HS3ST4: variants seen among roughly 807,000 people sequenced by gnomAD.
The protein encoded by HS3ST4 is heparan sulfate-glucosamine 3-sulfotransferase 4.
Under a neutral mutation model 29.2 loss-of-function variants are expected in HS3ST4, and 17 were observed. That is an observed-to-expected ratio of 0.58 (90% CI 0.40 to 0.87). HS3ST4 has a LOEUF of 0.87. Ranked by LOEUF, HS3ST4 falls within the 40% of genes least tolerant of loss-of-function variation. The probability of loss-of-function intolerance (pLI) is 0.00; values close to 1 mark genes in which losing one functional copy is unlikely to be tolerated. For missense variants in HS3ST4, 627 were observed against 634.5 expected (o/e 0.99, Z 0.13); for synonymous variants, 314 against 285.7 (o/e 1.10, Z -1.00).
chr16:26,014,006 C>CAAAAT (rs1344050616), intron 1 of HS3ST4, among the ~76,000 whole-genome samples: 2 of 47,336 alleles, frequency 4.2e-5, no homozygotes, highest in Non-Finnish European at 8.2e-5. Context: ...AACTCTGTCT[C>CAAAAT]AAAATAAATA....
rs186727835 is a variant in HS3ST4 at position 25,759,896 on chromosome 16, A to G, written c.734+66745A>G. Among the ~76,000 whole-genome samples, 374 of 152,290 alleles carry G rather than the reference A, an allele frequency of 2.5e-3. 2 individuals are homozygous for G. The highest frequency in any genetic ancestry group is 8.6e-3 in the African/African-American group (359 of 41,568). On this transcript the variant is annotated intron_variant, in intron 1 of 1. Transcript: ENST00000331351. ...CAAAGCAAGACCCTGTCTTAAAAAT[A>G]ATAAAGAGAAAAAAAAAGGAAATAG...
intron 1 of HS3ST4, among the ~76,000 whole-genome samples, chr16:26,012,256 CAA>C (rs1345069252): frequency 1.3e-5 from 2 of 152,028 alleles, no homozygotes; most frequent in Non-Finnish European, 2.9e-5. Context: ...AGCTTCCTGT[CAA>C]AGTGTATCAG....
At chr16:26,002,299 G>A (rs185287312) in intron 1 of HS3ST4, among the ~76,000 whole-genome samples, 8 of 152,218 alleles carry the variant, frequency 5.3e-5, no homozygotes, top group African/African-American at 1.7e-4. Flanking sequence ...ATGTAAGGGC[G>A]TACAAAGAGA....
At chr16:25,859,195 G>C (rs1226422630) in intron 1 of HS3ST4, among the ~76,000 whole-genome samples, 1 of 150,438 alleles carries the variant, frequency 6.6e-6, no homozygotes, top group Non-Finnish European at 1.5e-5. Context: ...TTTAAGAAAA[G>C]GTATGTTTGG....
At chr16:26,091,822 T>G (rs1176284935) in intron 1 of HS3ST4, among the ~76,000 whole-genome samples, 1 of 152,196 alleles carries the variant, frequency 6.6e-6, no homozygotes, top group Non-Finnish European at 1.5e-5. Flanking sequence ...ATACATGGGA[T>G]GCAGAATCCA....
intron 1 of HS3ST4, among the ~76,000 whole-genome samples, chr16:25,728,130 T>G (rs533841775): frequency 6.6e-6 from 1 of 152,236 alleles, no homozygotes; most frequent in African/African-American, 2.4e-5. Context: ...GCCTCCTGAG[T>G]AGCTGGGATT....
At chr16:26,132,798 G>A (rs57702844) in intron 1 of HS3ST4, among the ~76,000 whole-genome samples, 1 of 152,110 alleles carries the variant, frequency 6.6e-6, no homozygotes, top group Non-Finnish European at 1.5e-5. Flanking sequence ...TGTGTCAAAA[G>A]TACATCAGGG....
intron 1 of HS3ST4, among the ~76,000 whole-genome samples, chr16:25,870,633 T>G (rs769613593): frequency 6.6e-6 from 1 of 152,166 alleles, no homozygotes; most frequent in Non-Finnish European, 1.5e-5. Context: ...TGAGACTTTT[T>G]AGTCCGAGAT....
At chr16:25,828,266 T>TCTCTCTCTCTCTCTC (rs1967247254) in intron 1 of HS3ST4, among the ~76,000 whole-genome samples, 4 of 82,176 alleles carry the variant, frequency 4.9e-5, no homozygotes, top group African/African-American at 1.6e-4. Context: ...CTTTCTTTCT[T>TCTCTCTCTCTCTCTC]TCTTTCTTTC....
At chr16:26,051,918 CT>C (rs1444917291) in intron 1 of HS3ST4, among the ~76,000 whole-genome samples, 2 of 132,954 alleles carry the variant, frequency 1.5e-5, no homozygotes, top group Non-Finnish European at 3.2e-5. Flanking sequence ...CCCTCCCTTC[CT>C]TCCTTCCTTC....
chr16:25,849,555 T>C (rs1387718876), intron 1 of HS3ST4, among the ~76,000 whole-genome samples: 1 of 152,198 alleles, frequency 6.6e-6, no homozygotes, highest in Non-Finnish European at 1.5e-5. Context: ...GCTAGTCACC[T>C]AGGCAGTCAT....
At chr16:26,111,114 A>G (rs6497924) in intron 1 of HS3ST4, among the ~76,000 whole-genome samples, 101,999 of 151,666 alleles carry the variant, frequency 0.67, 34,619 homozygotes, top group Middle Eastern at 0.74. Context: ...CCAGGCTAGA[A>G]TGCTGTTGTG....
At chr16:25,773,400 A>G (rs982871226) in intron 1 of HS3ST4, among the ~76,000 whole-genome samples, 2 of 152,156 alleles carry the variant, frequency 1.3e-5, no homozygotes, top group Non-Finnish European at 2.9e-5. Context: ...TCCTAATACT[A>G]CAGAACACTT....
chr16:25,715,641 G>A (rs1006289122), intron 1 of HS3ST4, among the ~76,000 whole-genome samples: 3 of 152,212 alleles, frequency 2.0e-5, no homozygotes, highest in Non-Finnish European at 4.4e-5. Flanking sequence ...GGGATTCACC[G>A]TGAGGCCAAA....
rs947984112 is a variant in HS3ST4, at chr16:26,137,675, A to G, written c.*1427A>G. 3 of 152,198 alleles carry G rather than the reference A, an allele frequency of 2.0e-5. No individual in the cohort carries two copies. The highest frequency in any genetic ancestry group is 7.2e-5 in the African/African-American group (3 of 41,444). The allele number at this position is 152,198 out of a possible 1,614,324, so 9.4% of individuals were successfully genotyped here. ...GAAAACCGTGTTGTTATAAAGCTTA[A>G]TGCAACCTGATTAATGAGTTTCGAT... On this transcript the variant is annotated 3_prime_UTR_variant, in exon 2 of 2. Coordinates refer to ENST00000331351, the MANE Select transcript of HS3ST4 (RefSeq NM_006040.3).
chr16:26,044,060 G>C (rs1898236446), intron 1 of HS3ST4, among the ~76,000 whole-genome samples: 1 of 152,216 alleles, frequency 6.6e-6, no homozygotes, highest in Non-Finnish European at 1.5e-5. Context: ...AAATCACACA[G>C]CTGGTAAGTG....
chr16:25,793,890 C>G (rs916489911), intron 1 of HS3ST4, among the ~76,000 whole-genome samples: 6 of 151,478 alleles, frequency 4.0e-5, no homozygotes, highest in Admixed American at 1.3e-4. Flanking sequence ...TATTTTTTCC[C>G]TCTATTTGTT....
intron 1 of HS3ST4, among the ~76,000 whole-genome samples, chr16:25,908,443 A>G (rs968651871): frequency 2.0e-5 from 3 of 152,320 alleles, no homozygotes; most frequent in African/African-American, 7.2e-5. Context: ...TCATGATTGA[A>G]CATCTGTTGT....
chr16:25,938,905 C>T (rs1968545035), intron 1 of HS3ST4, among the ~76,000 whole-genome samples: 2 of 152,176 alleles, frequency 1.3e-5, no homozygotes, highest in Non-Finnish European at 1.5e-5. Context: ...TAACTGTTGG[C>T]TTATACCCCC....
Sources: gnomAD v4.1 joint callset for allele counts (sites outside exome capture counted in the v4.1 genomes callset) on GRCh38, gnomAD v4.1.1 for gene constraint, MANE v1.5 for transcripts, NCBI Gene and HGNC (gene_info 2026-07-23, HGNC 2026-07-21) for gene names.